The following CLRN1 variants were observed in gnomAD, a reference collection of about 807,000 sequenced individuals.
CLRN1 encodes the protein clarin 1.
CLRN1 carries 15 observed loss-of-function variants against 18.7 expected under a neutral mutation model. The ratio of observed to expected loss-of-function variants is 0.80; its 90% CI spans 0.54 to 1.23. CLRN1 has a LOEUF of 1.23. CLRN1 is among the 50% of genes most tolerant of loss of function. The pLI, the probability that CLRN1 is intolerant of heterozygous loss-of-function variation, is 0.00. For missense variants in CLRN1, 311 were observed against 277.5 expected (o/e 1.12, Z -0.86); for synonymous variants, 104 against 102.9 (o/e 1.01, Z -0.07).
At chr3:150,957,813 C>T (rs570471409) in intron 1 of CLRN1, among the ~76,000 whole-genome samples, 3 of 152,250 alleles carry the variant, frequency 2.0e-5, no homozygotes, top group South Asian at 2.1e-4. Flanking sequence ...TGTGCCACCA[C>T]GCCCGGCTAA....
At chr3:150,965,666 G>A (rs111289142) in intron 1 of CLRN1, among the ~76,000 whole-genome samples, 2,586 of 152,244 alleles carry the variant, frequency 0.017, 29 homozygotes, top group Non-Finnish European at 0.023. Context: ...ATACACCAGG[G>A]TTAAGTTCCA....
At chr3:150,936,124 C>T (rs1284646525) in intron 2 of CLRN1, among the ~76,000 whole-genome samples, 1 of 152,074 alleles carries the variant, frequency 6.6e-6, no homozygotes, top group African/African-American at 2.4e-5. Flanking sequence ...TTTTGCTGTG[C>T]AGAAGCTCTT....
chr3:150,935,414 G>A (rs1464017933), intron 2 of CLRN1, among the ~76,000 whole-genome samples: 4 of 151,336 alleles, frequency 2.6e-5, no homozygotes, highest in East Asian at 2.0e-4. Context: ...TTGTCCTTGC[G>A]ATAGTTTGCT....
At chr3:150,939,760 C>A (rs188961816) in intron 2 of CLRN1, among the ~76,000 whole-genome samples, 42 of 152,282 alleles carry the variant, frequency 2.8e-4, no homozygotes, top group East Asian at 1.7e-3. Context: ...GCACACCACC[C>A]GGATCCACCT....
chr3:150,951,430 C>T (rs999247027), intron 1 of CLRN1, among the ~76,000 whole-genome samples: 7 of 151,996 alleles, frequency 4.6e-5, no homozygotes, highest in African/African-American at 1.7e-4. Context: ...CTCTGACTCC[C>T]AGGTTCAAGC....
At position 150,926,946 on chromosome 3, in the gene CLRN1, C is replaced by T. The variant is rs752609601; in HGVS notation, c.*990G>A. On this transcript the variant is annotated 3_prime_UTR_variant, in exon 3 of 3. Transcript: ENST00000327047. The stretch of plus-strand genomic sequence containing the variant: ...GGGTCATGCTTGGTGACAGCCAGAA[C>T]AAGACCAAGATGATACAGTGATACC... The T allele has an allele frequency of 5.1e-5, 82 of 1,611,684 alleles. 2 individuals are homozygous for T. In the South Asian group the frequency reaches 8.7e-4, roughly 17 times the overall value.
In CLRN1 at chr3:150,963,778, G is replaced by A. The variant is rs563240282; in HGVS notation, c.253+8678C>T. On this transcript the variant is annotated intron_variant, in intron 1 of 2. Transcript: ENST00000327047. ...TAATGCCACACATCTACAACCATCTGCTCTTTGACAAACCTGACAAAAACA... is the reference window on the plus strand; with the variant it reads ...TAATGCCACACATCTACAACCATCTACTCTTTGACAAACCTGACAAAAACA... Among the ~76,000 whole-genome samples the A allele has an allele frequency of 3.3e-5, 5 of 152,264 alleles. No homozygotes were observed. In the East Asian group the frequency reaches 7.7e-4, roughly 24 times the overall value.
intron 2 of CLRN1, chr3:150,940,524 A>T: frequency 6.5e-7 from 1 of 1,534,618 alleles, no homozygotes; most frequent in Non-Finnish European, 8.7e-7. Flanking sequence ...GGGCAACTTC[A>T]GGAGAAAAAG....
intron 2 of CLRN1, among the ~76,000 whole-genome samples, chr3:150,939,223 C>T (rs1576629988): frequency 6.6e-6 from 1 of 152,184 alleles, no homozygotes; most frequent in African/African-American, 2.4e-5. Context: ...AAGGCCCACA[C>T]CTTCCACTTC....
At chr3:150,944,846 T>C (rs971603112) in intron 1 of CLRN1, among the ~76,000 whole-genome samples, 1 of 152,106 alleles carries the variant, frequency 6.6e-6, no homozygotes, top group Non-Finnish European at 1.5e-5. Flanking sequence ...GATAGACTAG[T>C]AGAAGAGACA....
At chr3:150,971,050 C>T (rs183216841) in intron 1 of CLRN1, among the ~76,000 whole-genome samples, 3 of 152,304 alleles carry the variant, frequency 2.0e-5, no homozygotes, top group Admixed American at 2.0e-4. Context: ...TCACCAGTAC[C>T]TTCTCCGCTT....
intron 2 of CLRN1, among the ~76,000 whole-genome samples, chr3:150,937,519 T>C (rs1344143730): frequency 6.6e-6 from 1 of 152,180 alleles, no homozygotes; most frequent in Non-Finnish European, 1.5e-5. Flanking sequence ...TCAGTAGTTT[T>C]AGAAAGTTCT....
intron 1 of CLRN1, among the ~76,000 whole-genome samples, chr3:150,952,110 C>T (rs1714517493): frequency 1.3e-5 from 2 of 152,132 alleles, no homozygotes; most frequent in Non-Finnish European, 2.9e-5. Flanking sequence ...CCCCATCTTC[C>T]GGCAGCATAG....
chr3:150,934,409 G>A (rs1713335102), intron 2 of CLRN1, among the ~76,000 whole-genome samples: 1 of 152,172 alleles, frequency 6.6e-6, no homozygotes, highest in African/African-American at 2.4e-5. Context: ...GACGCTATGT[G>A]TAAGAGAAGC....
At chr3:150,948,630 A>T (rs1714315683) in intron 1 of CLRN1, among the ~76,000 whole-genome samples, 1 of 152,224 alleles carries the variant, frequency 6.6e-6, no homozygotes, top group African/African-American at 2.4e-5. Flanking sequence ...AAATTCCTGG[A>T]TACATACACC....
chr3:150,937,618 G>A (rs1713570370), intron 2 of CLRN1, among the ~76,000 whole-genome samples: 1 of 150,572 alleles, frequency 6.6e-6, no homozygotes. Flanking sequence ...AAAACCTTGG[G>A]AAAAAGACTT....
In CLRN1 at chr3:150,953,605, C is replaced by A. The variant is rs76167088; in HGVS notation, c.254-11844G>T. On this transcript the variant is annotated intron_variant, in intron 1 of 2. Coordinates refer to ENST00000327047, the MANE Select transcript of CLRN1 (RefSeq NM_174878.3). ...TGGGTGGAGCCCACTGCAGCCTCCA[C>A]CTCTGGAGTTCAAGTGATCCTCCCA... Among the ~76,000 whole-genome samples the A allele has an allele frequency of 6.0e-4, 91 of 152,286 alleles. No homozygotes were observed. In the East Asian group the frequency reaches 0.018, roughly 29 times the overall value.
chr3:150,940,345 A>G (rs1299014596), intron 2 of CLRN1: 7 of 675,502 alleles, frequency 1.0e-5, no homozygotes, highest in Non-Finnish European at 1.4e-5. Context: ...ACAAGTAACA[A>G]TGAACAGAGG....
Position 150,972,632 on chromosome 3 carries a change from G to A in CLRN1, c.77C>T (p.Thr26Ile), listed in dbSNP as rs1228541979. The A allele has an allele frequency of 1.9e-6, 3 of 1,614,096 alleles. No homozygotes were observed. Among genetic ancestry groups the A allele is most frequent in the Admixed American group, 1.7e-5 (1 of 60,006 alleles). Residue 26 changes from threonine to isoleucine, a missense_variant, in exon 1 of 3, where the codon ACA (threonine) becomes ATA (isoleucine). Thr to Ile is a moderately conservative substitution (Grantham distance 89). Coordinates refer to ENST00000327047, the MANE Select transcript of CLRN1 (RefSeq NM_174878.3). Reference sequence around the variant, plus strand: ...GATCCACAACGGTGTCCCCAAGGCTGTCACAACTCCGAGGGCACATGCAAA... The same window carrying A: ...GATCCACAACGGTGTCCCCAAGGCTATCACAACTCCGAGGGCACATGCAAA... ...FSFACALGVV[T>I]ALGTPLWIKA...
Sources: allele counts gnomAD v4.1 joint callset (sites outside exome capture counted in the v4.1 genomes callset), GRCh38; gene constraint gnomAD v4.1.1; transcripts MANE v1.5; gene names NCBI Gene and HGNC (gene_info 2026-07-23, HGNC 2026-07-21).